Variants in PAAF1 observed in about 807,000 individuals in gnomAD.
PAAF1 encodes proteasomal ATPase-associated factor 1.
In PAAF1, 46 loss-of-function variants were observed where a neutral mutation model predicts 52.8. That is an observed-to-expected ratio of 0.87 (90% CI 0.69 to 1.11). PAAF1 has a LOEUF of 1.11. Ranked by LOEUF, PAAF1 falls within the 50% of genes most tolerant of loss-of-function variation. PAAF1 has a pLI of 0.00. For missense variants in PAAF1, 424 were observed against 477.4 expected (o/e 0.89, Z 1.04); for synonymous variants, 178 against 172.8 (o/e 1.03, Z -0.24).
intron 4 of PAAF1, among the ~76,000 whole-genome samples, chr11:73,897,919 G>A (rs1949462928): frequency 1.3e-5 from 2 of 152,126 alleles, no homozygotes; most frequent in Non-Finnish European, 2.9e-5. Context: ...ACGAGACTCC[G>A]TCTGCAATCC....
intron 6 of PAAF1, 147 bp downstream of exon 6, chr11:73,900,567 C>G (rs1949570380): frequency 1.1e-6 from 1 of 911,128 alleles, no homozygotes; most frequent in Non-Finnish European, 1.6e-6. Flanking sequence ...CCCTAAGGAC[C>G]AGAAATTCCT....
intron 3 of PAAF1, among the ~76,000 whole-genome samples, chr11:73,889,548 CTGTT>C (rs541302821): frequency 5.0e-4 from 76 of 152,296 alleles, no homozygotes; most frequent in African/African-American, 1.8e-3. Context: ...CCTTTGTAGT[CTGTT>C]TGTGGATTAA....
chr11:73,901,571 C>T (rs34258880), intron 6 of PAAF1, among the ~76,000 whole-genome samples: 8,569 of 151,700 alleles, frequency 0.056, 266 homozygotes, highest in Middle Eastern at 0.099. Context: ...AACCTCAGTA[C>T]ATTGTAACTT....
intron 6 of PAAF1, among the ~76,000 whole-genome samples, chr11:73,908,267 G>GTGTA (rs1949815838): frequency 7.0e-6 from 1 of 142,710 alleles, no homozygotes; most frequent in Non-Finnish European, 1.5e-5. Context: ...GTATATATGT[G>GTGTA]TATATATGTG....
intron 6 of PAAF1, among the ~76,000 whole-genome samples, chr11:73,903,154 A>C (rs1400290461): frequency 1.3e-5 from 2 of 152,180 alleles, no homozygotes; most frequent in Non-Finnish European, 2.9e-5. Flanking sequence ...GATTGAACGG[A>C]ATGATATACT....
At chr11:73,908,084 T>A (rs1462493867) in intron 6 of PAAF1, among the ~76,000 whole-genome samples, 3 of 152,082 alleles carry the variant, frequency 2.0e-5, no homozygotes. Context: ...TTTTCAGTTG[T>A]AAACAGAAGG....
chr11:73,919,581 G>C (rs1019060407), intron 10 of PAAF1, among the ~76,000 whole-genome samples: 2 of 152,350 alleles, frequency 1.3e-5, no homozygotes. Context: ...CAGAGGGCCT[G>C]CTATGTAGTA....
chr11:73,899,408 C>CTTTTTTTTTTTTTTTTT (rs71065053), intron 5 of PAAF1, among the ~76,000 whole-genome samples, 164 bp downstream of exon 5: 1 of 101,220 alleles, frequency 9.9e-6, no homozygotes, highest in Non-Finnish European at 2.0e-5. Context: ...TTCTTTTTCT[C>CTTTTTTTTTTTTTTTTT]TTTTTTTTTT....
At chr11:73,895,543 T>C (rs896615400) in intron 4 of PAAF1, among the ~76,000 whole-genome samples, 3 of 152,214 alleles carry the variant, frequency 2.0e-5, no homozygotes, top group African/African-American at 7.2e-5. Context: ...CTATAGTTCT[T>C]CCCAAACTTA....
At chr11:73,883,391 C>T (rs1447941753) in intron 2 of PAAF1, among the ~76,000 whole-genome samples, 1 of 152,198 alleles carries the variant, frequency 6.6e-6, no homozygotes, top group Non-Finnish European at 1.5e-5. Flanking sequence ...CTTTCCACCC[C>T]CCAATCCTAG....
chr11:73,897,680 G>A (rs537646982), intron 4 of PAAF1, among the ~76,000 whole-genome samples: 2 of 150,172 alleles, frequency 1.3e-5, no homozygotes, highest in African/African-American at 4.9e-5. Context: ...CGGGCAGAGA[G>A]GCTCCTCACT....
chr11:73,880,677 A>C, intron 2 of PAAF1: 2 of 113,070 alleles, frequency 1.8e-5, no homozygotes, highest in Admixed American at 1.2e-4. Context: ...ACTGAGCAAG[A>C]CTCTGTCTCG....
In PAAF1 at chr11:73,893,598, G is replaced by C. The variant is rs535312662; in HGVS notation, c.282+2397G>C. 1.3e-4 allele frequency among the ~76,000 whole-genome samples: 20 copies of C among 150,872 alleles called. No individual in the cohort carries two copies. In the East Asian group the frequency reaches 3.3e-3, roughly 25 times the overall value. ...TTAAAAATACAAAAATTAGCCAGGCGTGGTGGCGTGCACCTATAATCCCAG... is the reference window on the plus strand; with the variant it reads ...TTAAAAATACAAAAATTAGCCAGGCCTGGTGGCGTGCACCTATAATCCCAG... On this transcript the variant is annotated intron_variant, in intron 4 of 11. Transcript: ENST00000310571.
At chr11:73,891,522 T>A (rs891829702) in intron 4 of PAAF1, among the ~76,000 whole-genome samples, 2 of 152,202 alleles carry the variant, frequency 1.3e-5, no homozygotes, top group Non-Finnish European at 2.9e-5. Context: ...ACACCTGCAA[T>A]CCTAGCACTT....
At chr11:73,880,611 C>T (rs148279230) in intron 2 of PAAF1, 2,909 of 135,586 alleles carry the variant, frequency 0.021, 48 homozygotes, top group Non-Finnish European at 0.034. Flanking sequence ...GGAGTGAACC[C>T]GGGAGGCGGG....
At chr11:73,908,243 A>G (rs529097205) in intron 6 of PAAF1, among the ~76,000 whole-genome samples, 16 of 148,146 alleles carry the variant, frequency 1.1e-4, no homozygotes, top group African/African-American at 3.7e-4. Flanking sequence ...GTGTATATAT[A>G]TGTGTATATA....
chr11:73,883,567 A>G (rs1948977062), intron 2 of PAAF1, among the ~76,000 whole-genome samples: 1 of 151,824 alleles, frequency 6.6e-6, no homozygotes, highest in African/African-American at 2.4e-5. Context: ...AGGCTGAAGT[A>G]TAGTGGCACA....
At chr11:73,922,222 GAGC>G in intron 10 of PAAF1, 2 of 708,064 alleles carry the variant, frequency 2.8e-6, no homozygotes, top group Non-Finnish European at 5.0e-6. Context: ...CAACCCAGAG[GAGC>G]AGATTTTTTG....
chr11:73,917,207 GA>G (rs1377444593), intron 9 of PAAF1, among the ~76,000 whole-genome samples: 6 of 152,000 alleles, frequency 3.9e-5, no homozygotes, highest in Non-Finnish European at 8.8e-5. Flanking sequence ...ATTTAGTAGA[GA>G]CAGGGTTTCA....
Sources: gnomAD v4.1 joint callset for allele counts (sites outside exome capture counted in the v4.1 genomes callset) on GRCh38, gnomAD v4.1.1 for gene constraint, MANE v1.5 for transcripts, NCBI Gene and HGNC (gene_info 2026-07-23, HGNC 2026-07-21) for gene names.